DNAJC6: variants seen among roughly 807,000 people sequenced by gnomAD.
The protein encoded by DNAJC6 is DnaJ heat shock protein family (Hsp40) member C6, also known as auxilin.
Under a neutral mutation model 110.0 loss-of-function variants are expected in DNAJC6, and 34 were observed. The ratio of observed to expected loss-of-function variants is 0.31; its 90% confidence interval spans 0.24 to 0.41. DNAJC6 has a LOEUF of 0.41. Ranked by LOEUF, DNAJC6 falls within the 10% of genes least tolerant of loss-of-function variation. The probability of loss-of-function intolerance (pLI) is 1.00; values close to 1 mark genes in which losing one functional copy is unlikely to be tolerated. For missense variants in DNAJC6, 1,031 were observed against 1,207.8 expected, an observed-to-expected ratio of 0.85 and a Z score of 2.17; for synonymous variants, 406 against 437.2, an observed-to-expected ratio of 0.93 and a Z score of 0.89.
rs374866553 is a variant in DNAJC6, at chr1:65,290,210, G to A, written c.-131+25278G>A. Among the ~76,000 whole-genome samples the A allele has an allele frequency of 4.3e-4, 66 of 152,230 alleles. No individual in the cohort carries two copies. The Middle Eastern group carries it at 0.01, about 24-fold the overall frequency. Reference sequence around the variant, plus strand: ...AGCAGATTGCCAAATTTTCAGCTGCGTTTTCTGCCTTTTTTGTACTGATTT... The same window carrying A: ...AGCAGATTGCCAAATTTTCAGCTGCATTTTCTGCCTTTTTTGTACTGATTT... On this transcript the variant is annotated intron_variant, in intron 1 of 19. Coordinates refer to the DNAJC6 transcript ENST00000263441.
intron 5 of DNAJC6, 161 bp from the exon 6 acceptor site, chr1:65,384,032 A>C (rs1326727871): frequency 1.3e-6 from 1 of 757,736 alleles, no homozygotes; most frequent in Non-Finnish European, 1.9e-6. Context: ...AAAAAGCTGA[A>C]ACAAATTTTG....
intron 13 of DNAJC6, among the ~76,000 whole-genome samples, chr1:65,398,358 T>C (rs1645998928): frequency 6.6e-6 from 1 of 152,228 alleles, no homozygotes; most frequent in African/African-American, 2.4e-5. Context: ...ATTATGCTTC[T>C]ATACTTAATG....
At position 65,410,966 on chromosome 1, in the gene DNAJC6, A is replaced by G. The variant is rs945494922; in HGVS notation, c.2635-284A>G. Reference sequence around the variant, plus strand: ...TACCCTCATGGAGTTTATATTGAGTATAACTCTGGGGGTGGGGATGGGAGA... The same window carrying G: ...TACCCTCATGGAGTTTATATTGAGTGTAACTCTGGGGGTGGGGATGGGAGA... On this transcript the variant is annotated intron_variant, in intron 17 of 18. Transcript: ENST00000371069. Among the ~76,000 whole-genome samples, 19 of 152,326 alleles carry G rather than the reference A, an allele frequency of 1.2e-4. No homozygotes were observed. The Middle Eastern group carries it at 0.01, about 82-fold the overall frequency.
At chr1:65,392,380 A>G (rs1051007060) in intron 11 of DNAJC6, 51 bp from the exon 12 acceptor site, 5 of 1,483,960 alleles carry the variant, frequency 3.4e-6, no homozygotes, top group Non-Finnish European at 3.6e-6. Flanking sequence ...ACAAAAACCA[A>G]CAATGCTGTG....
intron 1 of DNAJC6, among the ~76,000 whole-genome samples, chr1:65,271,206 T>C (rs1462752278): frequency 6.6e-6 from 1 of 151,846 alleles, no homozygotes; most frequent in African/African-American, 2.4e-5. Context: ...TTTGGAATGA[T>C]CAAATCAGGC....
intron 1 of DNAJC6, among the ~76,000 whole-genome samples, chr1:65,363,342 AG>A: frequency 6.6e-6 from 1 of 152,304 alleles, no homozygotes. Flanking sequence ...GGGACCCAGA[AG>A]TCATGGACAG....
chr1:65,401,687 A>T, intron 14 of DNAJC6, 74 bp from the exon 15 acceptor site: 2 of 1,561,122 alleles, frequency 1.3e-6, no homozygotes, highest in Non-Finnish European at 1.7e-6. Context: ...ATAAACAGTA[A>T]CTCTGGAATT....
chr1:65,371,816 A>T (rs1464850152), intron 4 of DNAJC6, among the ~76,000 whole-genome samples: 1 of 152,224 alleles, frequency 6.6e-6, no homozygotes, highest in Non-Finnish European at 1.5e-5. Context: ...TGGCGACAGC[A>T]TTGCGAAGTG....
At chr1:65,329,637 C>T (rs1217643734) in intron 1 of DNAJC6, among the ~76,000 whole-genome samples, 1 of 151,946 alleles carries the variant, frequency 6.6e-6, no homozygotes, top group African/African-American at 2.4e-5. Flanking sequence ...GATTCAAATC[C>T]AAAACTGTCT....
chr1:65,301,463 A>G (rs931638230), intron 1 of DNAJC6, among the ~76,000 whole-genome samples: 1 of 151,984 alleles, frequency 6.6e-6, no homozygotes. Flanking sequence ...TACCACCTCC[A>G]CTTTCAGACA....
intron 1 of DNAJC6, among the ~76,000 whole-genome samples, chr1:65,355,055 T>A (rs1037270890): frequency 3.3e-5 from 5 of 151,942 alleles, no homozygotes; most frequent in African/African-American, 9.7e-5. Flanking sequence ...GGCAGGCAGA[T>A]CACTTGAGCT....
chr1:65,357,549 A>G (rs1229279261), intron 1 of DNAJC6, among the ~76,000 whole-genome samples: 1 of 152,196 alleles, frequency 6.6e-6, no homozygotes, highest in Non-Finnish European at 1.5e-5. Flanking sequence ...TGTCCCCAGC[A>G]TATTAGATCA....
chr1:65,379,146 T>A (rs560334172), intron 4 of DNAJC6, among the ~76,000 whole-genome samples: 1 of 152,342 alleles, frequency 6.6e-6, no homozygotes, highest in South Asian at 2.1e-4. Flanking sequence ...AAGGATGTAT[T>A]TGAAATGGTC....
chr1:65,406,640 C>CT (rs1352495449), intron 16 of DNAJC6, among the ~76,000 whole-genome samples: 2 of 152,122 alleles, frequency 1.3e-5, no homozygotes, highest in Non-Finnish European at 2.9e-5. Context: ...AAAACTTGGT[C>CT]TTTCTTATGC....
chr1:65,279,045 C>T (rs1266273935), intron 1 of DNAJC6: 2 of 985,256 alleles, frequency 2.0e-6, no homozygotes, highest in African/African-American at 1.7e-5. Context: ...TGTTTCATCA[C>T]CTAAGAATCA....
rs531837401 is a variant in DNAJC6, at chr1:65,409,317, T to G, written c.2634+534T>G. Among the ~76,000 whole-genome samples the G allele has an allele frequency of 5.9e-5, 9 of 152,320 alleles. No individual in the cohort carries two copies. The East Asian group carries it at 1.7e-3, about 29-fold the overall frequency. On this transcript the variant is annotated intron_variant, in intron 17 of 18. Coordinates refer to ENST00000371069, the MANE Select transcript of DNAJC6 (RefSeq NM_001256864.2). ...TCATTTGGTCTTTGCAGCTGTGATT[T>G]GAGTACAGCTGTGCCCTTTAATAGC... is the stretch of plus-strand genomic sequence containing the variant.
rs74547139 is a variant in DNAJC6 at position 65,319,472 on chromosome 1, C to T, written c.193+9534C>T. 4.3e-3 allele frequency among the ~76,000 whole-genome samples: 656 copies of T among 152,264 alleles called. 8 individuals carry two copies. The highest frequency in any genetic ancestry group is 0.015 in the African/African-American group (612 of 41,554). ...CCAGGCCTAAGGCCCGAGGCCAGTA[C>T]GGTGTCTGTATCGGGTGGCCCCTTC... is the stretch of plus-strand genomic sequence containing the variant. On this transcript the variant is annotated intron_variant, in intron 1 of 18. Coordinates refer to ENST00000371069, the MANE Select transcript of DNAJC6 (RefSeq NM_001256864.2).
intron 1 of DNAJC6, among the ~76,000 whole-genome samples, chr1:65,341,893 C>T (rs538389727): frequency 2.6e-5 from 4 of 152,208 alleles, no homozygotes; most frequent in East Asian, 3.9e-4. Flanking sequence ...TATGAGGGAC[C>T]GCGATCATAG....
chr1:65,350,053 G>A (rs897931274), intron 1 of DNAJC6, among the ~76,000 whole-genome samples: 2 of 152,154 alleles, frequency 1.3e-5, no homozygotes, highest in Non-Finnish European at 2.9e-5. Context: ...GCTAAGTGCC[G>A]AGGTTGAGAC....
Sources: gnomAD v4.1 joint callset for allele counts (sites outside exome capture counted in the v4.1 genomes callset) on GRCh38, gnomAD v4.1.1 for gene constraint, MANE v1.5 for transcripts, NCBI Gene and HGNC (gene_info 2026-07-23, HGNC 2026-07-21) for gene names.